The following FRMD4A variants were observed in gnomAD, a reference collection of about 807,000 sequenced individuals.
The protein encoded by FRMD4A is FERM domain-containing protein 4A.
Under a neutral mutation model 129.1 loss-of-function variants are expected in FRMD4A, and 29 were observed. The observed-to-expected ratio is 0.22, with a 90% confidence interval of 0.17 to 0.31. FRMD4A has a LOEUF of 0.31. Among genes scored for constraint, FRMD4A ranks in the 10% least tolerant of loss-of-function variants. FRMD4A has a pLI of 1.00. For missense variants in FRMD4A, 1,272 were observed against 1,375.8 expected, an observed-to-expected ratio of 0.92 and a Z score of 1.19; for synonymous variants, 634 against 571.6, an observed-to-expected ratio of 1.11 and a Z score of -1.56.
At chr10:14,141,755 T>A (rs1018437787) in intron 2 of FRMD4A, among the ~76,000 whole-genome samples, 1 of 152,164 alleles carries the variant, frequency 6.6e-6, no homozygotes, top group African/African-American at 2.4e-5. Context: ...CACTTTCTTC[T>A]CTCCAGCACT....
chr10:14,283,608 T>C (rs1475785038), intron 2 of FRMD4A, among the ~76,000 whole-genome samples: 1 of 152,228 alleles, frequency 6.6e-6, no homozygotes, highest in Non-Finnish European at 1.5e-5. Context: ...GTATTTATTT[T>C]CTCCTGTGTT....
chr10:14,296,624 G>A (rs1846018226), intron 2 of FRMD4A, among the ~76,000 whole-genome samples: 1 of 152,208 alleles, frequency 6.6e-6, no homozygotes, highest in South Asian at 2.1e-4. Context: ...GAAACCAAAT[G>A]AGAAAGAGAT....
In FRMD4A at chr10:14,085,357, C is replaced by T. The variant is rs557620912; in HGVS notation, c.46-226445G>A. Among the ~76,000 whole-genome samples the T allele has an allele frequency of 3.8e-4, 58 of 152,236 alleles. No homozygotes were observed. In the East Asian group the frequency reaches 9.8e-3, roughly 26 times the overall value. On this transcript the variant is annotated intron_variant, in intron 2 of 24. Transcript: ENST00000357447. ...ACCTCACGTGGTTGCAGGGTTTCCA[C>T]GAGCCGATGGATGTAAAGAACCCAG...
At chr10:13,773,877 A>G (rs1001216010) in intron 6 of FRMD4A, among the ~76,000 whole-genome samples, 2 of 152,196 alleles carry the variant, frequency 1.3e-5, no homozygotes, top group Non-Finnish European at 2.9e-5. Flanking sequence ...GGCTGTTGGA[A>G]GCCACACCGG....
chr10:14,182,421 C>T (rs868596953), intron 2 of FRMD4A, among the ~76,000 whole-genome samples: 1 of 152,134 alleles, frequency 6.6e-6, no homozygotes, highest in Non-Finnish European at 1.5e-5. Context: ...GTGGCACATG[C>T]CTATAGTTTC....
At chr10:14,268,117 T>A (rs916027586) in intron 2 of FRMD4A, among the ~76,000 whole-genome samples, 11 of 151,880 alleles carry the variant, frequency 7.2e-5, no homozygotes, top group African/African-American at 2.4e-4. Context: ...CCATTATTAT[T>A]ACTTAAATAA....
intron 2 of FRMD4A, among the ~76,000 whole-genome samples, chr10:14,101,376 C>T (rs1323821328): frequency 2.6e-5 from 4 of 152,180 alleles, no homozygotes; most frequent in East Asian, 1.9e-4. Flanking sequence ...TTACTTGCTG[C>T]GGGGTTAGTC....
chr10:14,064,007 A>G (rs1452070966), intron 2 of FRMD4A, among the ~76,000 whole-genome samples: 1 of 152,206 alleles, frequency 6.6e-6, no homozygotes, highest in Non-Finnish European at 1.5e-5. Context: ...CAGGGATTTG[A>G]AAAATCAAGT....
At chr10:13,975,297 AATGTGTGTGTGT>A (rs2095538087) in intron 2 of FRMD4A, among the ~76,000 whole-genome samples, 1 of 141,314 alleles carries the variant, frequency 7.1e-6, no homozygotes, top group South Asian at 2.3e-4. Flanking sequence ...ATCATATGTT[AATGTGTGTGTGT>A]ATGTGTGTGT....
At chr10:13,807,797 ATTCTTT>A (rs2093380169) in intron 4 of FRMD4A, among the ~76,000 whole-genome samples, 1 of 104,462 alleles carries the variant, frequency 9.6e-6, no homozygotes, top group Non-Finnish European at 2.0e-5. Context: ...TTATTTAGAA[ATTCTTT>A]TTTTTTTTTT....
At position 13,942,244 on chromosome 10, in the gene FRMD4A, C is replaced by A. The variant is rs143128320; in HGVS notation, c.46-83332G>T. 7.3e-4 allele frequency among the ~76,000 whole-genome samples: 111 copies of A among 152,334 alleles called. No individual in the cohort carries two copies. The South Asian group carries it at 8.1e-3, about 11-fold the overall frequency. Reference sequence around the variant, plus strand: ...AAGCCTCATTAAAGGCACTAATGAGCGCTCCCTTTCATCGCAGGCACTGTC... The same window carrying A: ...AAGCCTCATTAAAGGCACTAATGAGAGCTCCCTTTCATCGCAGGCACTGTC... On this transcript the variant is annotated intron_variant, in intron 2 of 24. Coordinates refer to ENST00000357447, the MANE Select transcript of FRMD4A (RefSeq NM_018027.5).
intron 2 of FRMD4A, among the ~76,000 whole-genome samples, chr10:14,238,126 C>T (rs1843895950): frequency 6.6e-6 from 1 of 152,190 alleles, no homozygotes. Flanking sequence ...AACAAGGCAC[C>T]AGTTACACTT....
intron 2 of FRMD4A, among the ~76,000 whole-genome samples, chr10:13,911,363 G>C (rs556453366): frequency 1.3e-5 from 2 of 152,264 alleles, no homozygotes; most frequent in African/African-American, 2.4e-5. Context: ...GAAAATTATA[G>C]TGTTGGGGTA....
intron 2 of FRMD4A, among the ~76,000 whole-genome samples, chr10:14,009,585 T>G (rs1007475180): frequency 6.6e-6 from 1 of 152,138 alleles, no homozygotes; most frequent in African/African-American, 2.4e-5. Context: ...AAGCAGAGTT[T>G]TGTACTATGA....
chr10:13,681,554 A>ATATGTATG (rs960372828), intron 15 of FRMD4A, among the ~76,000 whole-genome samples: 3 of 151,950 alleles, frequency 2.0e-5, no homozygotes, highest in Non-Finnish European at 4.4e-5. Flanking sequence ...GCACATATAT[A>ATATGTATG]TATGTATGTA....
intron 2 of FRMD4A, among the ~76,000 whole-genome samples, chr10:14,086,408 G>A (rs1179652926): frequency 1.3e-5 from 2 of 152,136 alleles, no homozygotes; most frequent in African/African-American, 4.8e-5. Context: ...TGCGTTCTAA[G>A]AAGTGTTAGA....
intron 2 of FRMD4A, among the ~76,000 whole-genome samples, chr10:13,984,681 C>T (rs896186096): frequency 3.3e-5 from 5 of 152,206 alleles, no homozygotes; most frequent in African/African-American, 9.7e-5. Context: ...GCTCAGGGTT[C>T]ATCCGTGGTG....
chr10:14,157,784 T>C (rs996290599), intron 2 of FRMD4A, among the ~76,000 whole-genome samples: 2 of 152,214 alleles, frequency 1.3e-5, no homozygotes, highest in Non-Finnish European at 2.9e-5. Context: ...ACTACGAATG[T>C]AGGACAAGCC....
chr10:14,216,449 T>A (rs1389437609), intron 2 of FRMD4A, among the ~76,000 whole-genome samples: 1 of 152,158 alleles, frequency 6.6e-6, no homozygotes, highest in Non-Finnish European at 1.5e-5. Flanking sequence ...GGAGGGTGCA[T>A]CACTTGAGCT....
Sources: gnomAD v4.1 joint callset for allele counts (sites outside exome capture counted in the v4.1 genomes callset) on GRCh38, gnomAD v4.1.1 for gene constraint, MANE v1.5 for transcripts, NCBI Gene and HGNC (gene_info 2026-07-23, HGNC 2026-07-21) for gene names.